C8orf89: variants seen among roughly 807,000 people sequenced by gnomAD.
The protein encoded by C8orf89 is putative uncharacterized protein C8orf89.
A neutral mutation model predicts 15.8 loss-of-function variants in C8orf89; 14 were observed. The ratio of observed to expected loss-of-function variants is 0.89; its 90% CI spans 0.59 to 1.39. The LOEUF is 1.39. Among genes scored for constraint, C8orf89 ranks in the 40% most tolerant of loss-of-function variants. The pLI, the probability that C8orf89 is intolerant of heterozygous loss-of-function variation, is 0.00. For missense variants in C8orf89, 181 were observed against 184.5 expected, an observed-to-expected ratio of 0.98 and a Z score of 0.11; for synonymous variants, 55 against 62.2, an observed-to-expected ratio of 0.88 and a Z score of 0.54.
chr8:73,269,570 C>T, the C8orf89 span, among the ~76,000 whole-genome samples: 1 of 152,182 alleles, frequency 6.6e-6, no homozygotes, highest in South Asian at 2.1e-4. Flanking sequence ...ACCCTTACAG[C>T]GACTCTGGGC....
chr8:73,279,620 G>A, the C8orf89 span, among the ~76,000 whole-genome samples: 1 of 152,192 alleles, frequency 6.6e-6, no homozygotes, highest in Non-Finnish European at 1.5e-5. Context: ...AGTCCCACAT[G>A]CTCTTCCTTC....
chr8:73,250,635 T>A (rs1240755180), intron 2 of C8orf89, among the ~76,000 whole-genome samples: 3 of 152,200 alleles, frequency 2.0e-5, no homozygotes, highest in Non-Finnish European at 4.4e-5. Flanking sequence ...GAATACCAAC[T>A]ATCACTTTTT....
chr8:73,258,306 C>A (rs2910015), intron 1 of C8orf89, among the ~76,000 whole-genome samples: 2 of 150,342 alleles, frequency 1.3e-5, no homozygotes, highest in Non-Finnish European at 3.0e-5. Context: ...AGCTACTCAG[C>A]AGGCTGAGGC....
chr8:73,250,078 G>A (rs1178837664), intron 3 of C8orf89, among the ~76,000 whole-genome samples, 190 bp downstream of exon 3: 2 of 152,024 alleles, frequency 1.3e-5, no homozygotes, highest in Non-Finnish European at 2.9e-5. Context: ...CTACCCTTGA[G>A]TCCTGAAATT....
chr8:73,256,974 T>G lies in C8orf89; in HGVS notation c.280A>C (p.Arg94=). ...GAGAATTAAATAGCAATGATCTACCTGACTGCAGACACCTCGGCATCAGCA... is the reference window on the plus strand; with the variant it reads ...GAGAATTAAATAGCAATGATCTACCGGACTGCAGACACCTCGGCATCAGCA... ...PRADAEVSAV[R]LKKTKETCSV... Residue 94 remains arginine, a splice_region_variant and synonymous_variant, in exon 2 of 4, where the codon AGG becomes CGG. Coordinates refer to ENST00000624510, the MANE Select transcript of C8orf89 (RefSeq NM_001243237.3). 1.3e-6 allele frequency: 2 copies of G among 1,532,608 alleles called. No homozygotes were observed. The highest frequency in any genetic ancestry group is 1.7e-6 in the Non-Finnish European group (2 of 1,145,292). 94.9% of individuals were successfully genotyped at this position (1,532,608 alleles called of 1,614,324 possible).
At chr8:73,285,214 C>CA in the C8orf89 span, among the ~76,000 whole-genome samples, 1 of 152,178 alleles carries the variant, frequency 6.6e-6, no homozygotes, top group Non-Finnish European at 1.5e-5. Flanking sequence ...ACGTTCCCCC[C>CA]ACTCCAGTTT....
chr8:73,247,821 T>A (rs1813160076), intron 3 of C8orf89, among the ~76,000 whole-genome samples: 1 of 152,192 alleles, frequency 6.6e-6, no homozygotes, highest in Admixed American at 6.5e-5. Flanking sequence ...TTTAAATTCC[T>A]TATAGATGCT....
the C8orf89 span, among the ~76,000 whole-genome samples, chr8:73,285,348 A>G: frequency 6.6e-6 from 1 of 152,156 alleles, no homozygotes; most frequent in African/African-American, 2.4e-5. Context: ...GCTTCCCTCA[A>G]TCTCATCCCC....
chr8:73,271,591 A>C, the C8orf89 span, among the ~76,000 whole-genome samples: 1 of 152,218 alleles, frequency 6.6e-6, no homozygotes, highest in African/African-American at 2.4e-5. Context: ...TTGCAGAGAC[A>C]TGAGTGAAAT....
chr8:73,262,930 C>A (rs1295759777), upstream of C8orf89, among the ~76,000 whole-genome samples: 3 of 152,020 alleles, frequency 2.0e-5, no homozygotes, highest in Admixed American at 1.3e-4. Flanking sequence ...GTGATGTTTC[C>A]TGTAAACACG....
intron 1 of C8orf89, among the ~76,000 whole-genome samples, chr8:73,257,872 T>C (rs1461155490): frequency 2.6e-5 from 4 of 152,204 alleles, no homozygotes; most frequent in African/African-American, 9.6e-5. Flanking sequence ...AAAATTATTA[T>C]ATTGAATGTT....
At chr8:73,284,757 G>A in the C8orf89 span, among the ~76,000 whole-genome samples, 1 of 152,150 alleles carries the variant, frequency 6.6e-6, no homozygotes, top group Admixed American at 6.5e-5. Flanking sequence ...AAAAGGAAAT[G>A]TCAGAGTATT....
the C8orf89 span, among the ~76,000 whole-genome samples, chr8:73,267,233 C>T: frequency 6.6e-6 from 1 of 152,038 alleles, no homozygotes; most frequent in Admixed American, 6.6e-5. Flanking sequence ...AAATTAGGCA[C>T]AGTAAGAGAT....
intron 2 of C8orf89, among the ~76,000 whole-genome samples, chr8:73,252,529 C>CT (rs993147244): frequency 5.9e-5 from 9 of 151,930 alleles, no homozygotes; most frequent in African/African-American, 2.2e-4. Flanking sequence ...AATTATTTTC[C>CT]TTTTTTTCTG....
intron 2 of C8orf89, among the ~76,000 whole-genome samples, chr8:73,253,975 T>C (rs993134562): frequency 2.0e-5 from 3 of 151,938 alleles, no homozygotes; most frequent in East Asian, 1.9e-4. Context: ...CTATGTTGAA[T>C]AGGAGTGGTG....
chr8:73,272,591 C>T, the C8orf89 span, among the ~76,000 whole-genome samples: 2 of 152,104 alleles, frequency 1.3e-5, no homozygotes, highest in Admixed American at 1.3e-4. Flanking sequence ...TCTCCTAATG[C>T]TATCCCTCCC....
At chr8:73,275,231 CTTTTTTTTTTTTT>C in the C8orf89 span, among the ~76,000 whole-genome samples, 3 of 84,744 alleles carry the variant, frequency 3.5e-5, no homozygotes, top group Middle Eastern at 9.6e-3. Flanking sequence ...TGTAATAGTT[CTTTTTTTTTTTTT>C]TTTTTTTTTT....
upstream of C8orf89, among the ~76,000 whole-genome samples, chr8:73,260,392 T>TA (rs1554577456): frequency 1.5e-5 from 2 of 137,294 alleles, no homozygotes; most frequent in African/African-American, 2.8e-5. Context: ...TGTCGTGGGG[T>TA]GGGGGAGGGG....
At chr8:73,249,761 T>C (rs933512276) in intron 3 of C8orf89, among the ~76,000 whole-genome samples, 8 of 152,052 alleles carry the variant, frequency 5.3e-5, no homozygotes, top group African/African-American at 1.9e-4. Context: ...CCAAAACTAT[T>C]GGTATATAGA....
Sources: gnomAD v4.1 joint callset for allele counts (sites outside exome capture counted in the v4.1 genomes callset) on GRCh38, gnomAD v4.1.1 for gene constraint, MANE v1.5 for transcripts, NCBI Gene and HGNC (gene_info 2026-07-23, HGNC 2026-07-21) for gene names.